STXBP4: variants seen among roughly 807,000 people sequenced by gnomAD.
The protein encoded by STXBP4 is syntaxin-binding protein 4.
In STXBP4, 55 loss-of-function variants were observed where a neutral mutation model predicts 76.1. The ratio of observed to expected loss-of-function variants is 0.72; its 90% CI spans 0.58 to 0.91. The LOEUF (loss-of-function observed/expected upper bound fraction) is 0.91. Ranked by LOEUF, STXBP4 falls within the 40% of genes least tolerant of loss-of-function variation. STXBP4 has a pLI of 0.00. For missense variants in STXBP4, 618 were observed against 636.9 expected, an observed-to-expected ratio of 0.97 and a Z score of 0.32; for synonymous variants, 201 against 220.2, an observed-to-expected ratio of 0.91 and a Z score of 0.77.
intron 16 of STXBP4, among the ~76,000 whole-genome samples, chr17:55,101,145 C>T (rs149693645): frequency 2.1e-4 from 32 of 152,284 alleles, no homozygotes; most frequent in African/African-American, 7.7e-4. Context: ...TAAATTAACA[C>T]CATAAACTAT....
At chr17:55,102,316 C>A (rs2079576828) in intron 16 of STXBP4, among the ~76,000 whole-genome samples, 1 of 152,094 alleles carries the variant, frequency 6.6e-6, no homozygotes, top group Non-Finnish European at 1.5e-5. Flanking sequence ...GTGATGTTTC[C>A]CTCCCTGTGT....
At chr17:55,114,095 C>T (rs1206998567) in intron 16 of STXBP4, among the ~76,000 whole-genome samples, 1 of 152,014 alleles carries the variant, frequency 6.6e-6, no homozygotes, top group East Asian at 1.9e-4. Context: ...CTTATTTATT[C>T]TGTTTTTTCC....
chr17:55,032,358 A>T (rs947192480), intron 9 of STXBP4, among the ~76,000 whole-genome samples: 1 of 152,210 alleles, frequency 6.6e-6, no homozygotes, highest in African/African-American at 2.4e-5. Context: ...AGAAAAACAC[A>T]TACAAGTAAA....
At chr17:55,038,937 G>C (rs188770955) in intron 10 of STXBP4, among the ~76,000 whole-genome samples, 1 of 152,060 alleles carries the variant, frequency 6.6e-6, no homozygotes, top group South Asian at 2.1e-4. Flanking sequence ...ATAAAACTGA[G>C]TAATGTTTCA....
intron 15 of STXBP4, among the ~76,000 whole-genome samples, chr17:55,079,493 C>T (rs993917950): frequency 9.9e-5 from 15 of 151,340 alleles, no homozygotes; most frequent in Non-Finnish European, 1.9e-4. Context: ...TGTGATGGTG[C>T]ATACCTGTAA....
At chr17:55,094,443 T>C (rs1368036869) in intron 16 of STXBP4, among the ~76,000 whole-genome samples, 1 of 152,160 alleles carries the variant, frequency 6.6e-6, no homozygotes, top group South Asian at 2.1e-4. Flanking sequence ...TTGCAGTGAT[T>C]GAGGTGGGAG....
intron 1 of STXBP4, among the ~76,000 whole-genome samples, chr17:54,980,533 G>A (rs368853959): frequency 2.0e-5 from 3 of 152,180 alleles, no homozygotes; most frequent in East Asian, 1.9e-4. Context: ...GCTCAAGAGC[G>A]CTGGTTACAG....
At chr17:55,153,911 A>G (rs188118307) in intron 17 of STXBP4, among the ~76,000 whole-genome samples, 55 of 152,310 alleles carry the variant, frequency 3.6e-4, no homozygotes, top group African/African-American at 1.3e-3. Flanking sequence ...TTTTAGAAAG[A>G]TAGGCTTTTA....
chr17:55,152,548 A>G (rs1051492068), intron 17 of STXBP4, among the ~76,000 whole-genome samples: 2 of 152,180 alleles, frequency 1.3e-5, no homozygotes, highest in African/African-American at 4.8e-5. Flanking sequence ...GCCTCCCGCA[A>G]CTTACAATCA....
chr17:55,173,584 G>A lies in STXBP4; in HGVS notation c.*13673G>A, dbSNP rs1278441233. 4 of 152,090 alleles carry A rather than the reference G, an allele frequency of 2.6e-5. No homozygotes were observed. Among genetic ancestry groups the A allele is most frequent in the Admixed American group, 2.6e-4 (4 of 15,266 alleles). The allele number at this position is 152,090 out of a possible 1,614,324, so 9.4% of individuals were successfully genotyped here. On this transcript the variant is annotated 3_prime_UTR_variant, in exon 18 of 18. Coordinates refer to ENST00000376352, the MANE Select transcript of STXBP4 (RefSeq NM_178509.6). ...CATTCACCCACTGAAAGTCATTTGG[G>A]TTGTTTCTAGGCTTTGGTGATTATG...
At chr17:55,208,519 G>A in the STXBP4 span, among the ~76,000 whole-genome samples, 1 of 114,622 alleles carries the variant, frequency 8.7e-6, no homozygotes, top group Non-Finnish European at 1.8e-5. Context: ...TTGCACAAAG[G>A]TCACCCTGTT....
chr17:55,138,944 T>C (rs1299514805), intron 16 of STXBP4, among the ~76,000 whole-genome samples: 2 of 152,092 alleles, frequency 1.3e-5, no homozygotes, highest in African/African-American at 2.4e-5. Context: ...GGTCTGTCTT[T>C]TATATAATAG....
At position 55,078,087 on chromosome 17, in the gene STXBP4, C is replaced by A; in HGVS notation, c.1198C>A (p.Gln400Lys). 6.2e-7 allele frequency: 1 copy of A among 1,606,800 alleles called. No homozygotes were observed. Among genetic ancestry groups the A allele is most frequent in the South Asian group, 1.1e-5 (1 of 89,810 alleles). The change falls in exon 14 of 18, where the codon CAG becomes AAG. Residue 400 changes from glutamine to lysine, a missense_variant. Coordinates refer to ENST00000376352, the MANE Select transcript of STXBP4 (RefSeq NM_178509.6). Reference protein sequence around the residue: ...DYSDQNKESVQDLKKRIMVLD... With the variant: ...DYSDQNKESVKDLKKRIMVLD... Reference sequence around the variant, plus strand: ...TGATATCTCTGTGCAGGAAAGTGTTCAGGATTTAAAAAAGAGAATCATGGT... The same window carrying A: ...TGATATCTCTGTGCAGGAAAGTGTTAAGGATTTAAAAAAGAGAATCATGGT...
chr17:55,038,268 T>C (rs531536198), intron 10 of STXBP4, among the ~76,000 whole-genome samples: 1 of 152,164 alleles, frequency 6.6e-6, no homozygotes, highest in African/African-American at 2.4e-5. Context: ...GAATCACCAC[T>C]CAAAAGGCTC....
intron 12 of STXBP4, among the ~76,000 whole-genome samples, chr17:55,066,195 G>GTTGTTTTGTTTTGTTTTGTT (rs4048521): frequency 9.4e-5 from 14 of 148,970 alleles, no homozygotes; most frequent in African/African-American, 3.3e-4. Flanking sequence ...TGTGGGTTTT[G>GTTGTTTTGTTTTGTTTTGTT]TTGTTTTGTT....
chr17:55,013,671 T>C (rs1399972800), intron 8 of STXBP4, among the ~76,000 whole-genome samples: 2 of 152,228 alleles, frequency 1.3e-5, no homozygotes, highest in East Asian at 3.8e-4. Context: ...GGTGGCTTGA[T>C]GGCACAAGGT....
intron 16 of STXBP4, among the ~76,000 whole-genome samples, chr17:55,101,121 G>T (rs2145016750): frequency 6.6e-6 from 1 of 152,274 alleles, no homozygotes; most frequent in Admixed American, 6.5e-5. Flanking sequence ...GTGGTAGTTT[G>T]TTACACCACA....
At chr17:54,989,195 C>T (rs2077675729) in intron 3 of STXBP4, among the ~76,000 whole-genome samples, 1 of 152,160 alleles carries the variant, frequency 6.6e-6, no homozygotes, top group South Asian at 2.1e-4. Flanking sequence ...GCAAGCTCTG[C>T]CTCCCGGGTT....
At chr17:55,118,940 A>ATT (rs2079812853) in intron 16 of STXBP4, among the ~76,000 whole-genome samples, 2 of 147,440 alleles carry the variant, frequency 1.4e-5, no homozygotes, top group Non-Finnish European at 3.0e-5. Context: ...GTATTAACTG[A>ATT]TTTATATATA....
Sources: allele counts gnomAD v4.1 joint callset (sites outside exome capture counted in the v4.1 genomes callset), GRCh38; gene constraint gnomAD v4.1.1; transcripts MANE v1.5; gene names NCBI Gene and HGNC (gene_info 2026-07-23, HGNC 2026-07-21).